F11: variants seen among roughly 807,000 people sequenced by gnomAD.
F11 encodes coagualtion factor XI.
Under a neutral mutation model 76.5 loss-of-function variants are expected in F11, and 78 were observed. The ratio of observed to expected loss-of-function variants is 1.02; its 90% CI spans 0.85 to 1.23. The LOEUF is 1.23. Among genes scored for constraint, F11 ranks in the 50% most tolerant of loss-of-function variants. The pLI, the probability that F11 is intolerant of heterozygous loss-of-function variation, is 0.00. For missense variants in F11, 742 were observed against 771.4 expected, an observed-to-expected ratio of 0.96 and a Z score of 0.45; for synonymous variants, 278 against 276.3, an observed-to-expected ratio of 1.01 and a Z score of -0.06.
chr4:186,283,089 C>T (rs1340986531), intron 10 of F11: 1 of 952,784 alleles, frequency 1.0e-6, no homozygotes, highest in Admixed American at 6.2e-5. Flanking sequence ...ACATTGACAT[C>T]ACCTGGGAGC....
chr4:186,267,922 C>T (rs1739623697), intron 2 of F11, among the ~76,000 whole-genome samples: 2 of 152,124 alleles, frequency 1.3e-5, no homozygotes, highest in African/African-American at 4.8e-5. Context: ...TTACACAGCT[C>T]ATAATTTCAA....
rs1467461741 is a variant in F11 at position 186,288,955 on chromosome 4, T to C, written c.*341T>C. Reference sequence around the variant, plus strand: ...GGCAGTGGGGATCAGGCAGAAGAACTGGTAAAAGAAGCCACCATAAATAGA... The same window carrying C: ...GGCAGTGGGGATCAGGCAGAAGAACCGGTAAAAGAAGCCACCATAAATAGA... On this transcript the variant is annotated 3_prime_UTR_variant, in exon 15 of 15. Coordinates refer to ENST00000403665, the MANE Select transcript of F11 (RefSeq NM_000128.4). 1 of 323,440 alleles carries C rather than the reference T, an allele frequency of 3.1e-6. No homozygotes were observed. Among genetic ancestry groups the C allele is most frequent in the African/African-American group, 2.2e-5 (1 of 46,468 alleles). 20.0% of individuals were successfully genotyped at this position (323,440 alleles called of 1,614,324 possible).
chr4:186,285,999 T>C (rs772011183), intron 12 of F11, 186 bp downstream of exon 12: 37 of 692,640 alleles, frequency 5.3e-5, no homozygotes, highest in Non-Finnish European at 8.8e-5. Context: ...TTGAAACTTA[T>C]TTTGGGAATG....
intron 5 of F11, 133 bp downstream of exon 5, chr4:186,274,408 G>C: frequency 9.0e-7 from 1 of 1,105,820 alleles, no homozygotes; most frequent in Non-Finnish European, 1.3e-6. Flanking sequence ...AGTACTCCTA[G>C]TTTTCTTCAT....
chr4:186,276,166 C>A, intron 6 of F11, 65 bp from the exon 7 acceptor site: 2 of 1,592,186 alleles, frequency 1.3e-6, no homozygotes, highest in Non-Finnish European at 1.7e-6. Flanking sequence ...TTTACACATA[C>A]TGTGACCGGA....
intron 10 of F11, among the ~76,000 whole-genome samples, chr4:186,280,786 C>T (rs1054436270): frequency 7.9e-5 from 12 of 152,004 alleles, no homozygotes; most frequent in Non-Finnish European, 1.5e-4. Context: ...CTGTACATTG[C>T]CTAGTATTAA....
intron 10 of F11, among the ~76,000 whole-genome samples, chr4:186,281,320 G>A (rs1191945233): frequency 3.9e-5 from 6 of 152,134 alleles, no homozygotes; most frequent in African/African-American, 9.7e-5. Context: ...AGAAATACTG[G>A]AGCACCTCCT....
At chr4:186,289,906 C>A (rs1741466285), downstream of F11, among the ~76,000 whole-genome samples, 1 of 152,122 alleles carries the variant, frequency 6.6e-6, no homozygotes, top group African/African-American at 2.4e-5. Flanking sequence ...TGGTCTTGAA[C>A]TCCTGACCTC....
In F11 at chr4:186,287,715, G is replaced by T. The variant is rs774280710; in HGVS notation, c.1608G>T (p.Lys536Asn). ...TACAAAATACTCTCCAGAAAGCCAA[G>T]ATACCCTTAGTGACCAACGAAGAGT... is the stretch of plus-strand genomic sequence containing the variant. ...DKIQNTLQKA[K>N]IPLVTNEECQ... Residue 536 changes from lysine (K) to asparagine (N), a missense_variant, in exon 14 of 15, where the codon AAG becomes AAT. Physicochemically the swap from Lys to Asn is moderately conservative, Grantham distance 94. Transcript: ENST00000403665. The T allele has an allele frequency of 6.2e-7, 1 of 1,613,190 alleles. No homozygotes were observed. The highest frequency in any genetic ancestry group is 2.2e-5 in the East Asian group (1 of 44,836).
In F11 at chr4:186,286,495, T is replaced by C. The variant is rs1741218370; in HGVS notation, c.1561T>C (p.Tyr521His). 1.2e-6 allele frequency: 2 copies of C among 1,613,626 alleles called. No individual in the cohort carries two copies. The highest frequency in any genetic ancestry group is 8.5e-7 in the Non-Finnish European group (1 of 1,179,784). The change falls in exon 13 of 15, where the codon TAC (tyrosine) becomes CAC (histidine). Residue 521 changes from tyrosine to histidine, a missense_variant. Physicochemically the swap from Tyr to His is moderately conservative, Grantham distance 83 (BLOSUM62 2). Transcript: ENST00000403665. ...TGATTGCTGGGTGACTGGATGGGGG[T>C]ACAGAAAACTAAGAGGTAAAAATGA... ...YTDCWVTGWG[Y>H]RKLRDKIQNT... is the part of the protein sequence containing the mutation.
At chr4:186,278,878 G>T (rs1283969926) in intron 7 of F11, among the ~76,000 whole-genome samples, 1 of 152,190 alleles carries the variant, frequency 6.6e-6, no homozygotes, top group East Asian at 1.9e-4. Context: ...TAGGTCCAAA[G>T]ATCAAGCCTT....
In F11 at chr4:186,275,823, A is replaced by G. The variant is rs1464845233; in HGVS notation, c.522A>G (p.Thr174=). 6.2e-7 allele frequency: 1 copy of G among 1,613,548 alleles called. No individual in the cohort carries two copies. The highest frequency in any genetic ancestry group is 1.3e-5 in the African/African-American group (1 of 74,920). ...ICLLKHTQTG[T]PTRITKLDKV... is the part of the protein sequence containing the mutation. ...TACTGAAGCACACCCAAACAGGGAC[A>G]CCAACCAGAATAACGAAGCTCGATA... is the stretch of plus-strand genomic sequence containing the variant. The change falls in exon 6 of 15, where the codon ACA becomes ACG. Residue 174 remains threonine (T), a synonymous_variant. Coordinates refer to ENST00000403665, the MANE Select transcript of F11 (RefSeq NM_000128.4).
chr4:186,283,685 G>A lies in F11; in HGVS notation c.1136-407G>A, dbSNP rs190590217. Among the ~76,000 whole-genome samples the A allele has an allele frequency of 3.3e-4, 50 of 152,332 alleles. No homozygotes were observed. In the East Asian group the frequency reaches 4.6e-3, roughly 14 times the overall value. On this transcript the variant is annotated intron_variant, in intron 10 of 14. Coordinates refer to ENST00000403665, the MANE Select transcript of F11 (RefSeq NM_000128.4). ...AGCAGGGCTGGTTCAAACACAGATGGCTGAGCTTCCAGGCTGGAGTTTCTC... is the reference window on the plus strand; with the variant it reads ...AGCAGGGCTGGTTCAAACACAGATGACTGAGCTTCCAGGCTGGAGTTTCTC...
chr4:186,280,213 T>G lies in F11; in HGVS notation c.866-10T>G. 6.2e-7 allele frequency: 1 copy of G among 1,614,190 alleles called. No individual in the cohort carries two copies. The highest frequency in any genetic ancestry group is 8.5e-7 in the Non-Finnish European group (1 of 1,180,036). ...GAGGGTCTCACTCTGACATGTGGTCTGCTGTCTAGTGTTCTGCCATTCTTC... is the reference window on the plus strand; with the variant it reads ...GAGGGTCTCACTCTGACATGTGGTCGGCTGTCTAGTGTTCTGCCATTCTTC... On this transcript the variant is annotated splice_polypyrimidine_tract_variant and intron_variant, in intron 8 of 14. Transcript: ENST00000403665.
intron 10 of F11, chr4:186,281,869 T>TAG: frequency 8.2e-7 from 1 of 1,212,562 alleles, no homozygotes; most frequent in African/African-American, 1.5e-5. Flanking sequence ...ACTTGTTTTG[T>TAG]AGAACATAAA....
At chr4:186,284,535 G>T (rs1741044269) in intron 11 of F11, among the ~76,000 whole-genome samples, 1 of 152,150 alleles carries the variant, frequency 6.6e-6, no homozygotes, top group Non-Finnish European at 1.5e-5. Flanking sequence ...CCCTGCAAGA[G>T]CATACCTCCC....
At position 186,276,342 on chromosome 4, in the gene F11, G is replaced by C. The variant is rs1337756740; in HGVS notation, c.707G>C (p.Cys236Ser). Reference protein sequence around the residue: ...CGRICTHHPGCLFFTFFSQEW... With the variant: ...CGRICTHHPGSLFFTFFSQEW... ...CGAATCTGCACTCATCATCCCGGTT[G>C]CTTGTTTTTTACCTTCTTTTCCCAG... Residue 236 changes from cysteine to serine, a missense_variant, in exon 7 of 15, where the codon TGC (cysteine) becomes TCC (serine). Coordinates refer to ENST00000403665, the MANE Select transcript of F11 (RefSeq NM_000128.4). 1.9e-6 allele frequency: 3 copies of C among 1,614,032 alleles called. No homozygotes were observed. Among genetic ancestry groups the C allele is most frequent in the Non-Finnish European group, 1.7e-6 (2 of 1,179,990 alleles).
In F11 at chr4:186,280,276, G is replaced by A; in HGVS notation, c.919G>A (p.Asp307Asn). Reference protein sequence around the residue: ...HDTDFLGEELDIVAAKSHEAC... With the variant: ...HDTDFLGEELNIVAAKSHEAC... Reference sequence around the variant, plus strand: ...CACTGATTTCTTGGGAGAAGAACTGGATATTGTTGCTGCAAAAAGTCACGA... The same window carrying A: ...CACTGATTTCTTGGGAGAAGAACTGAATATTGTTGCTGCAAAAAGTCACGA... The change falls in exon 9 of 15, where the codon GAT becomes AAT. Residue 307 changes from aspartate to asparagine, a missense_variant. By Grantham distance (23) the Asp-to-Asn change is conservative (BLOSUM62 1). Coordinates refer to ENST00000403665, the MANE Select transcript of F11 (RefSeq NM_000128.4). The A allele has an allele frequency of 1.9e-6, 3 of 1,614,186 alleles. No individual in the cohort carries two copies. Among genetic ancestry groups the A allele is most frequent in the Non-Finnish European group, 2.5e-6 (3 of 1,180,044 alleles).
intron 5 of F11, chr4:186,275,310 G>A: frequency 2.7e-6 from 1 of 375,792 alleles, no homozygotes; most frequent in Non-Finnish European, 5.3e-6. Context: ...GACCAATATG[G>A]TGAAACCCCG....
Sources: gnomAD v4.1 joint callset for allele counts (sites outside exome capture counted in the v4.1 genomes callset) on GRCh38, gnomAD v4.1.1 for gene constraint, MANE v1.5 for transcripts, NCBI Gene and HGNC (gene_info 2026-07-23, HGNC 2026-07-21) for gene names.